Variants in STX8 observed in about 807,000 individuals in gnomAD.
The protein encoded by STX8 is syntaxin 8, also known as syntaxin-8.
Under a neutral mutation model 37.5 loss-of-function variants are expected in STX8, and 23 were observed. That is an observed-to-expected ratio of 0.61 (90% CI 0.44 to 0.87). The LOEUF is 0.87. STX8 is among the 40% of genes least tolerant of loss of function. The pLI is 0.00. For missense variants in STX8, 313 were observed against 284.7 expected, an observed-to-expected ratio of 1.10 and a Z score of -0.71; for synonymous variants, 115 against 99.1, an observed-to-expected ratio of 1.16 and a Z score of -0.95.
At chr17:9,317,309 G>C (rs1047578348) in intron 7 of STX8, among the ~76,000 whole-genome samples, 4 of 152,158 alleles carry the variant, frequency 2.6e-5, no homozygotes, top group Admixed American at 6.6e-5. Flanking sequence ...GCACTGAAGA[G>C]GGCACCAACC....
intron 2 of STX8, among the ~76,000 whole-genome samples, chr17:9,564,746 CA>C (rs1397951938): frequency 6.6e-6 from 1 of 152,154 alleles, no homozygotes; most frequent in Non-Finnish European, 1.5e-5. Flanking sequence ...TCATGGACAG[CA>C]AGAAGCAATA....
intron 3 of STX8, among the ~76,000 whole-genome samples, chr17:9,546,267 G>A (rs955774673): frequency 5.3e-5 from 8 of 152,124 alleles, no homozygotes; most frequent in Non-Finnish European, 1.2e-4. Flanking sequence ...CAGAGTTGTA[G>A]CCCTATTCCA....
chr17:9,510,249 C>A (rs75599205), intron 4 of STX8, among the ~76,000 whole-genome samples: 3,671 of 152,192 alleles, frequency 0.024, 149 homozygotes, highest in African/African-American at 0.084. Context: ...AACAAAGAAA[C>A]ATCATATTTA....
intron 7 of STX8, among the ~76,000 whole-genome samples, chr17:9,357,807 A>G (rs1212328110): frequency 6.6e-6 from 1 of 152,234 alleles, no homozygotes; most frequent in South Asian, 2.1e-4. Context: ...TATGATTGCA[A>G]AAGTACAAAC....
At chr17:9,538,999 G>C (rs914524656) in intron 4 of STX8, among the ~76,000 whole-genome samples, 4 of 152,136 alleles carry the variant, frequency 2.6e-5, no homozygotes, top group African/African-American at 9.7e-5. Context: ...CTTCTTCTAA[G>C]AGACACTGTT....
intron 6 of STX8, among the ~76,000 whole-genome samples, chr17:9,478,871 G>T (rs1002690331): frequency 1.3e-5 from 2 of 152,188 alleles, no homozygotes; most frequent in East Asian, 3.9e-4. Context: ...AGCTCCCTTC[G>T]GCCCATTCCT....
At chr17:9,343,959 T>C (rs538695958) in intron 7 of STX8, among the ~76,000 whole-genome samples, 2 of 152,308 alleles carry the variant, frequency 1.3e-5, no homozygotes, top group East Asian at 3.9e-4. Flanking sequence ...AATGTTCTTT[T>C]TGTAAAAAAG....
chr17:9,420,172 G>A (rs141261802), intron 6 of STX8, among the ~76,000 whole-genome samples: 479 of 152,284 alleles, frequency 3.1e-3, no homozygotes, highest in Non-Finnish European at 5.7e-3. Flanking sequence ...CACAGGGACC[G>A]CACTCAGGAA....
chr17:9,542,446 G>A (rs1472674328), intron 4 of STX8, among the ~76,000 whole-genome samples: 5 of 152,124 alleles, frequency 3.3e-5, no homozygotes, highest in Non-Finnish European at 5.9e-5. Context: ...GGGAGGCCGA[G>A]GCAGGCAGAT....
intron 4 of STX8, among the ~76,000 whole-genome samples, chr17:9,522,699 G>A (rs1009433596): frequency 6.6e-6 from 1 of 151,612 alleles, no homozygotes; most frequent in South Asian, 2.1e-4. Context: ...GCGAAAGAGC[G>A]AGACTCCATC....
At chr17:9,299,631 G>C (rs1198842857) in intron 7 of STX8, among the ~76,000 whole-genome samples, 1 of 152,008 alleles carries the variant, frequency 6.6e-6, no homozygotes, top group Non-Finnish European at 1.5e-5. Context: ...TTTTAGTAGA[G>C]ACAGGGTTTC....
intron 6 of STX8, among the ~76,000 whole-genome samples, chr17:9,418,839 A>AAAAAG (rs1913303990): frequency 2.9e-5 from 1 of 34,340 alleles, no homozygotes; most frequent in Non-Finnish European, 6.5e-5. Context: ...AAAAAAAAAA[A>AAAAAG]GGGGGGGGGG....
intron 6 of STX8, among the ~76,000 whole-genome samples, chr17:9,458,418 G>C (rs1383691834): frequency 6.6e-6 from 1 of 152,178 alleles, no homozygotes; most frequent in Non-Finnish European, 1.5e-5. Flanking sequence ...CAAAGTGCTG[G>C]GATTACAGGC....
chr17:9,325,066 T>C (rs999280359), intron 7 of STX8, among the ~76,000 whole-genome samples: 1 of 152,202 alleles, frequency 6.6e-6, no homozygotes, highest in African/African-American at 2.4e-5. Flanking sequence ...CAACCAGTAT[T>C]GTACTCTGTG....
At chr17:9,563,307 C>T (rs1014790586) in intron 2 of STX8, among the ~76,000 whole-genome samples, 3 of 151,904 alleles carry the variant, frequency 2.0e-5, no homozygotes, top group African/African-American at 4.8e-5. Flanking sequence ...CTCAGCCTCC[C>T]GAGTAGCTGG....
chr17:9,435,109 A>G (rs1381655306), intron 6 of STX8, among the ~76,000 whole-genome samples: 1 of 152,102 alleles, frequency 6.6e-6, no homozygotes, highest in Non-Finnish European at 1.5e-5. Context: ...CTGATCTCCT[A>G]CCTCATAACC....
At chr17:9,391,118 A>G (rs988716994) in intron 6 of STX8, among the ~76,000 whole-genome samples, 2 of 152,166 alleles carry the variant, frequency 1.3e-5, no homozygotes, top group Non-Finnish European at 2.9e-5. Flanking sequence ...AACAGATGCC[A>G]AAGTATATAG....
intron 7 of STX8, among the ~76,000 whole-genome samples, chr17:9,334,321 A>G (rs747808269): frequency 1.3e-5 from 2 of 152,192 alleles, no homozygotes; most frequent in African/African-American, 2.4e-5. Context: ...AGCATAACTT[A>G]TAATCTTGTG....
At chr17:9,556,739 T>C (rs938300013) in intron 3 of STX8, among the ~76,000 whole-genome samples, 2 of 141,922 alleles carry the variant, frequency 1.4e-5, no homozygotes, top group Non-Finnish European at 3.0e-5. Context: ...GCCCAGATTA[T>C]GAATTTCTAA....
Sources: gnomAD v4.1 joint callset for allele counts (sites outside exome capture counted in the v4.1 genomes callset) on GRCh38, gnomAD v4.1.1 for gene constraint, MANE v1.5 for transcripts, NCBI Gene and HGNC (gene_info 2026-07-23, HGNC 2026-07-21) for gene names.